The following ATOH8 variants were observed in gnomAD, a reference collection of about 807,000 sequenced individuals.
ATOH8 encodes the protein atonal bHLH transcription factor 8.
Under a neutral mutation model 21.2 loss-of-function variants are expected in ATOH8, and 9 were observed. The ratio of observed to expected loss-of-function variants is 0.42; its 90% confidence interval spans 0.26 to 0.74. ATOH8 has a LOEUF of 0.74. Ranked by LOEUF, ATOH8 falls within the 30% of genes least tolerant of loss-of-function variation. The pLI, the probability that ATOH8 is intolerant of heterozygous loss-of-function variation, is 0.24. For missense variants in ATOH8, 524 were observed against 470.9 expected, an observed-to-expected ratio of 1.11 and a Z score of -1.04; for synonymous variants, 253 against 224.0, an observed-to-expected ratio of 1.13 and a Z score of -1.16.
intron 2 of ATOH8, among the ~76,000 whole-genome samples, chr2:85,771,401 G>A (rs934397769): frequency 2.6e-5 from 4 of 152,184 alleles, no homozygotes; most frequent in East Asian, 1.9e-4. Context: ...TGGTGTTCCC[G>A]GTGAGTGCCA....
rs534828728 is a variant in ATOH8, at chr2:85,788,541, C to T, written c.*1651C>T. On this transcript the variant is annotated 3_prime_UTR_variant, in exon 3 of 3. Coordinates refer to ENST00000306279, the MANE Select transcript of ATOH8 (RefSeq NM_032827.7). ...GCCTTGTCACATTGCTTCACCTCAG[C>T]GGGCCTAAGGTAGGGACAATAAAGG... is the stretch of plus-strand genomic sequence containing the variant. Among the ~76,000 whole-genome samples the T allele has an allele frequency of 9.9e-5, 15 of 152,152 alleles. No homozygotes were observed. The highest frequency in any genetic ancestry group is 4.2e-4 in the South Asian group (2 of 4,818).
Position 85,786,954 on chromosome 2 carries a change from G to C in ATOH8, c.*64G>C, listed in dbSNP as rs1558619828. 1 of 1,611,676 alleles carries C rather than the reference G, an allele frequency of 6.2e-7. No homozygotes were observed. Among genetic ancestry groups the C allele is most frequent in the East Asian group, 2.2e-5 (1 of 44,840 alleles). ...TCCTTCCAGTCAGGCCTGAGGACAAGGTGAGCTCGCTGAGTCCAGCCTCGT... is the reference window on the plus strand; with the variant it reads ...TCCTTCCAGTCAGGCCTGAGGACAACGTGAGCTCGCTGAGTCCAGCCTCGT... On this transcript the variant is annotated 3_prime_UTR_variant, in exon 3 of 3. Coordinates refer to ENST00000306279, the MANE Select transcript of ATOH8 (RefSeq NM_032827.7).
intron 2 of ATOH8, among the ~76,000 whole-genome samples, chr2:85,779,082 C>T (rs569078988): frequency 1.3e-5 from 2 of 151,778 alleles, no homozygotes; most frequent in East Asian, 3.9e-4. Flanking sequence ...CCTGGGTGCC[C>T]CCTCCAGCCT....
Position 85,754,487 on chromosome 2 carries a change from C to T in ATOH8, c.298C>T (p.Arg100Trp), listed in dbSNP as rs1679608621. ...CACAGCCGGGGAGCGCGGGGGCTCT[C>T]GGGCGCCCGAGGTCTCCGACGCGCG... ...TDTAGERGGS[R>W]APEVSDARKR... Residue 100 changes from arginine to tryptophan, a missense_variant, in exon 1 of 3, where the codon CGG (arginine) becomes TGG (tryptophan). By Grantham distance (101) the Arg-to-Trp change is moderately radical. Coordinates refer to ENST00000306279, the MANE Select transcript of ATOH8 (RefSeq NM_032827.7). 2.8e-6 allele frequency: 4 copies of T among 1,441,012 alleles called. No individual in the cohort carries two copies. The highest frequency in any genetic ancestry group is 2.9e-5 in the South Asian group (2 of 68,212). The allele number at this position is 1,441,012 out of a possible 1,614,324, so 89.3% of individuals were successfully genotyped here.
At chr2:85,762,446 C>G (rs1470677788) in intron 1 of ATOH8, among the ~76,000 whole-genome samples, 1 of 152,160 alleles carries the variant, frequency 6.6e-6, no homozygotes, top group Non-Finnish European at 1.5e-5. Context: ...ATCAACAAAC[C>G]CTTTTGAGGG....
chr2:85,757,942 C>A (rs1452511208), intron 1 of ATOH8, among the ~76,000 whole-genome samples: 1 of 151,986 alleles, frequency 6.6e-6, no homozygotes, highest in Non-Finnish European at 1.5e-5. Flanking sequence ...CGCACCACCA[C>A]ACCTGGGTAA....
At chr2:85,780,478 G>A (rs2104532688) in intron 2 of ATOH8, 1 of 152,454 alleles carries the variant, frequency 6.6e-6, no homozygotes, top group South Asian at 2.1e-4. Context: ...CCTGACCTGG[G>A]GCCTGTGGGG....
intron 2 of ATOH8, among the ~76,000 whole-genome samples, chr2:85,779,672 G>A (rs1370439430): frequency 2.0e-5 from 3 of 152,242 alleles, no homozygotes; most frequent in Non-Finnish European, 4.4e-5. Flanking sequence ...TAGGGGTTAA[G>A]GGTCTACCTT....
Position 85,791,310 on chromosome 2 carries a change from G to T in ATOH8, c.*4420G>T, listed in dbSNP as rs727123. ...TAATTCAACCCCTGATCCTCGAAACGGCTTTCTTGCAAAGTGTATATATTG... is the reference window on the plus strand; with the variant it reads ...TAATTCAACCCCTGATCCTCGAAACTGCTTTCTTGCAAAGTGTATATATTG... On this transcript the variant is annotated 3_prime_UTR_variant, in exon 3 of 3. Coordinates refer to ENST00000306279, the MANE Select transcript of ATOH8 (RefSeq NM_032827.7). 6.6e-6 allele frequency among the ~76,000 whole-genome samples: 1 copy of T among 152,154 alleles called. No homozygotes were observed. Among genetic ancestry groups the T allele is most frequent in the Non-Finnish European group, 1.5e-5 (1 of 68,036 alleles).
chr2:85,786,993 A>G lies in ATOH8; in HGVS notation c.*103A>G. The G allele has an allele frequency of 6.9e-7, 1 of 1,453,496 alleles. No individual in the cohort carries two copies. The highest frequency in any genetic ancestry group is 2.4e-5 in the East Asian group (1 of 42,374). 90.0% of individuals were successfully genotyped at this position (1,453,496 alleles called of 1,614,324 possible). ...GTCCAGCCTCGTGGTCTTCTCCAAG[A>G]TGCCGCCAGATGCCCAGCCTACAGC... On this transcript the variant is annotated 3_prime_UTR_variant, in exon 3 of 3. Coordinates refer to ENST00000306279, the MANE Select transcript of ATOH8 (RefSeq NM_032827.7).
At chr2:85,760,604 A>G (rs1218590120) in intron 1 of ATOH8, 1 of 152,258 alleles carries the variant, frequency 6.6e-6, no homozygotes, top group Non-Finnish European at 1.5e-5. Context: ...ATGCCTGAGA[A>G]TCACATGCTT....
At position 85,787,558 on chromosome 2, in the gene ATOH8, G is replaced by A. The variant is rs1680655343; in HGVS notation, c.*668G>A. 1 of 152,982 alleles carries A rather than the reference G, an allele frequency of 6.5e-6. No individual in the cohort carries two copies. The highest frequency in any genetic ancestry group is 1.9e-4 in the East Asian group (1 of 5,180). 9.5% of individuals were successfully genotyped at this position (152,982 alleles called of 1,614,324 possible). A position where few individuals can be genotyped will look rare whatever the true frequency, so the allele number is the denominator to read the frequency against. On this transcript the variant is annotated 3_prime_UTR_variant, in exon 3 of 3. Transcript: ENST00000306279. ...CTGGCCCCAGTTCTCAGTGTCCCTT[G>A]GGTCCAGGCTCCTTGGGCCCTAAGC... is the stretch of plus-strand genomic sequence containing the variant.
At chr2:85,770,162 G>C (rs1367660725) in intron 2 of ATOH8, among the ~76,000 whole-genome samples, 2 of 152,156 alleles carry the variant, frequency 1.3e-5, no homozygotes, top group Non-Finnish European at 2.9e-5. Context: ...GTATCACCTC[G>C]TGGGCTCCTC....
intron 1 of ATOH8, among the ~76,000 whole-genome samples, chr2:85,755,385 G>C (rs1004527957): frequency 6.6e-6 from 1 of 152,154 alleles, no homozygotes; most frequent in Non-Finnish European, 1.5e-5. Flanking sequence ...GGGACAGTCC[G>C]GGGGAGTTGT....
chr2:85,762,938 G>T (rs1679904445), intron 1 of ATOH8, among the ~76,000 whole-genome samples: 1 of 152,078 alleles, frequency 6.6e-6, no homozygotes, highest in African/African-American at 2.4e-5. Context: ...CTGGCATATG[G>T]TGGGCGCTCA....
chr2:85,779,931 G>A (rs1161183426), intron 2 of ATOH8, among the ~76,000 whole-genome samples: 2 of 152,210 alleles, frequency 1.3e-5, no homozygotes, highest in Non-Finnish European at 2.9e-5. Flanking sequence ...GAGGTGTGTG[G>A]GGTAGGTGAA....
At position 85,757,376 on chromosome 2, in the gene ATOH8, A is replaced by AC. The variant is rs1423039629; in HGVS notation, c.768+2424dup. On this transcript the variant is annotated intron_variant, in intron 1 of 2. Coordinates refer to ENST00000306279, the MANE Select transcript of ATOH8 (RefSeq NM_032827.7). ...GTCTTCTCTGTAAAATGTACTCCGC[A>AC]CCCCCTCCCCGAATCCAGACGAGCT... is the stretch of plus-strand genomic sequence containing the variant. Among the ~76,000 whole-genome samples, 2 of 151,448 alleles carry AC rather than the reference A, an allele frequency of 1.3e-5. 1 individual carries two copies. The highest frequency in any genetic ancestry group is 3.9e-4 in the East Asian group (2 of 5,134).
intron 1 of ATOH8, among the ~76,000 whole-genome samples, chr2:85,757,459 G>A (rs919327358): frequency 2.6e-5 from 4 of 152,276 alleles, no homozygotes; most frequent in Non-Finnish European, 4.4e-5. Flanking sequence ...ATGGACAAAA[G>A]GCAGATCAGC....
chr2:85,783,550 A>G (rs369643787), intron 2 of ATOH8: 4 of 152,646 alleles, frequency 2.6e-5, no homozygotes, highest in African/African-American at 7.2e-5. Flanking sequence ...CCTGGGCAAC[A>G]AGAGTGAAAC....
Sources: gnomAD v4.1 joint callset for allele counts (sites outside exome capture counted in the v4.1 genomes callset) on GRCh38, gnomAD v4.1.1 for gene constraint, MANE v1.5 for transcripts, NCBI Gene and HGNC (gene_info 2026-07-23, HGNC 2026-07-21) for gene names.